ENPP7: variants seen among roughly 807,000 people sequenced by gnomAD.
ENPP7 encodes ectonucleotide pyrophosphatase/phosphodiesterase family member 7.
In ENPP7, 39 loss-of-function variants were observed where a neutral mutation model predicts 33.6. That is an observed-to-expected ratio of 1.16 (90% CI 0.90 to 1.52). The LOEUF is 1.52. Ranked by LOEUF, ENPP7 falls within the 40% of genes most tolerant of loss-of-function variation. The pLI, the probability that ENPP7 is intolerant of heterozygous loss-of-function variation, is 0.00. For missense variants in ENPP7, 594 were observed against 641.0 expected (o/e 0.93, Z 0.79); for synonymous variants, 244 against 274.3 (o/e 0.89, Z 1.09).
At chr17:79,732,657 CTG>C (rs138427087) in intron 1 of ENPP7, among the ~76,000 whole-genome samples, 1 of 152,118 alleles carries the variant, frequency 6.6e-6, no homozygotes, top group African/African-American at 2.4e-5. Context: ...GGCCTTTCCC[CTG>C]TGTGTGTGTG....
In ENPP7 at chr17:79,737,777, A is replaced by G; in HGVS notation, c.1247-139A>G. On this transcript the variant is annotated intron_variant, in intron 4 of 5. Transcript: ENST00000328313. The surrounding 1 kb of genome is among the most constrained non-coding windows in gnomAD (Gnocchi z 5.5). ...AGGGCTATGAAGGGCCGTGGTGGAC[A>G]AAGGCCATGGGACCAAGGGGGCGGT... is the stretch of plus-strand genomic sequence containing the variant. The G allele has an allele frequency of 1.1e-6, 1 of 945,078 alleles. No individual in the cohort carries two copies. The highest frequency in any genetic ancestry group is 1.5e-5 in the South Asian group (1 of 67,530). 58.5% of individuals were successfully genotyped at this position (945,078 alleles called of 1,614,324 possible). A position where few individuals can be genotyped will look rare whatever the true frequency, so the allele number is the denominator to read the frequency against.
chr17:79,736,805 A>G (rs1555823685), intron 3 of ENPP7, among the ~76,000 whole-genome samples: 1 of 152,058 alleles, frequency 6.6e-6, no homozygotes, highest in Non-Finnish European at 1.5e-5. Flanking sequence ...TGCCCGCTCC[A>G]CTCCCATTTA....
chr17:79,736,488 G>C (rs893075527), intron 3 of ENPP7, among the ~76,000 whole-genome samples: 2 of 152,180 alleles, frequency 1.3e-5, no homozygotes, highest in African/African-American at 4.8e-5. Flanking sequence ...GGCAGTGGGA[G>C]TGTGTGTGCA....
Position 79,737,172 on chromosome 17 carries a change from C to T in ENPP7, c.1158C>T (p.His386=), listed in dbSNP as rs782695695. The T allele has an allele frequency of 6.2e-6, 10 of 1,613,626 alleles. No homozygotes were observed. The East Asian group carries it at 1.1e-4, about 18-fold the overall frequency. ...AGGTGGAGCCCTTTGAGAGCGTCCA[C>T]GTGTACGAGCTCATGTGCCGGCTGC... The part of the protein sequence containing the change: ...GLEVEPFESV[H]VYELMCRLLG... The change falls in exon 4 of 6, where the codon CAC becomes CAT. Residue 386 remains histidine (H), a synonymous_variant. Transcript: ENST00000328313. The surrounding 1 kb of genome is among the most constrained non-coding windows in gnomAD (Gnocchi z 5.5).
At position 79,739,945 on chromosome 17, in the gene ENPP7, A is replaced by G. The variant is rs1281587893; in HGVS notation, c.*17-1849A>G. 6.6e-6 allele frequency among the ~76,000 whole-genome samples: 1 copy of G among 152,202 alleles called. No homozygotes were observed. Among genetic ancestry groups the G allele is most frequent in the African/African-American group, 2.4e-5 (1 of 41,448 alleles). ...GGTGGCTTCCGCCTGGAACCCCAGT[A>G]CTTCCAGAGGCCGACGCAGGAGGAT... On this transcript the variant is annotated intron_variant, in intron 5 of 5. Coordinates refer to ENST00000328313, the MANE Select transcript of ENPP7 (RefSeq NM_178543.5). This position sits in a 1 kb window ranked among gnomAD's most constrained non-coding sequence, Gnocchi z 4.4.
Position 79,733,367 on chromosome 17 carries a change from C to G in ENPP7, c.254-141C>G, listed in dbSNP as rs1363755208. 27 of 831,158 alleles carry G rather than the reference C, an allele frequency of 3.2e-5. No homozygotes were observed. In the East Asian group the frequency reaches 4.0e-4, roughly 12 times the overall value. The allele number at this position is 831,158 out of a possible 1,614,324, so 51.5% of individuals were successfully genotyped here. Reference sequence around the variant, plus strand: ...CAGTGCAGGAGGAAGTCTGCTCCCCCCAGCCCTGCCCCAGGCCCACTCCCC... The same window carrying G: ...CAGTGCAGGAGGAAGTCTGCTCCCCGCAGCCCTGCCCCAGGCCCACTCCCC... On this transcript the variant is annotated intron_variant, in intron 1 of 5. Coordinates refer to ENST00000328313, the MANE Select transcript of ENPP7 (RefSeq NM_178543.5).
At chr17:79,741,559 C>G (rs1905521533) in intron 5 of ENPP7, among the ~76,000 whole-genome samples, 4 of 152,052 alleles carry the variant, frequency 2.6e-5, no homozygotes, top group Admixed American at 2.6e-4. Flanking sequence ...ATGTCCACAC[C>G]TGCCCCGCAC....
rs2094299620 is a variant in ENPP7 at position 79,738,241 on chromosome 17, C to T, written c.*16+179C>T. The T allele has an allele frequency of 1.6e-6, 1 of 607,712 alleles. No homozygotes were observed. 37.6% of individuals were successfully genotyped at this position (607,712 alleles called of 1,614,324 possible). On this transcript the variant is annotated intron_variant, in intron 5 of 5. Transcript: ENST00000328313. This position sits in a 1 kb window ranked among gnomAD's most constrained non-coding sequence, Gnocchi z 6.2. ...ATCACCCCTGAGATCCCGAGGCTGA[C>T]CCTTCCAGCCTCTCTGCTCTGGGCT...
Position 79,741,913 on chromosome 17 carries a change from C to A in ENPP7, c.*136C>A. ...AGGCCAGAGGCTGCATGCCACTGTC[C>A]CCGGCAGCGCCAACCCCTGCTTGGC... is the stretch of plus-strand genomic sequence containing the variant. On this transcript the variant is annotated 3_prime_UTR_variant, in exon 6 of 6. Transcript: ENST00000328313. 1 of 985,570 alleles carries A rather than the reference C, an allele frequency of 1.0e-6. No individual in the cohort carries two copies. The highest frequency in any genetic ancestry group is 1.7e-5 in the African/African-American group (1 of 57,354). 61.1% of individuals were successfully genotyped at this position (985,570 alleles called of 1,614,324 possible). A position where few individuals can be genotyped will look rare whatever the true frequency, so the allele number is the denominator to read the frequency against.
In ENPP7 at chr17:79,742,215, A is replaced by C. The variant is rs1017664317; in HGVS notation, c.*438A>C. The C allele has an allele frequency of 2.6e-5, 4 of 152,382 alleles. No individual in the cohort carries two copies. The highest frequency in any genetic ancestry group is 9.6e-5 in the African/African-American group (4 of 41,484). 9.4% of individuals were successfully genotyped at this position (152,382 alleles called of 1,614,324 possible). On this transcript the variant is annotated 3_prime_UTR_variant, in exon 6 of 6. Transcript: ENST00000328313. Reference sequence around the variant, plus strand: ...ATGGGAATAAAGGCCAAGCCGCGACAGTCAGCACGGGGGAGACTTTTCCCT... The same window carrying C: ...ATGGGAATAAAGGCCAAGCCGCGACCGTCAGCACGGGGGAGACTTTTCCCT...
At position 79,735,728 on chromosome 17, in the gene ENPP7, C is replaced by CA. The variant is rs1296800080; in HGVS notation, c.1026+59_1026+60insA. ...GCTCCCTCCCCAGGCTCTGGGTCTT[C>CA]TTTTTTTTTTTTTGAGACCAGGGTC... is the stretch of plus-strand genomic sequence containing the variant. On this transcript the variant is annotated intron_variant, in intron 3 of 5. Coordinates refer to ENST00000328313, the MANE Select transcript of ENPP7 (RefSeq NM_178543.5). The surrounding 1 kb of genome is among the most constrained non-coding windows in gnomAD (Gnocchi z 5.5). 29 of 1,244,938 alleles carry CA rather than the reference C, an allele frequency of 2.3e-5. No individual in the cohort carries two copies. Among genetic ancestry groups the CA allele is most frequent in the Non-Finnish European group, 3.2e-5 (29 of 918,518 alleles). The allele number at this position is 1,244,938 out of a possible 1,614,324, so 77.1% of individuals were successfully genotyped here.
chr17:79,737,768 G>A lies in ENPP7; in HGVS notation c.1247-148G>A, dbSNP rs781793321. ...CTACTGAGCAGGGCTATGAAGGGCC[G>A]TGGTGGACAAAGGCCATGGGACCAA... On this transcript the variant is annotated intron_variant, in intron 4 of 5. Transcript: ENST00000328313. This position sits in a 1 kb window ranked among gnomAD's most constrained non-coding sequence, Gnocchi z 5.5. 129 of 876,412 alleles carry A rather than the reference G, an allele frequency of 1.5e-4. No homozygotes were observed. The highest frequency in any genetic ancestry group is 2.0e-4 in the Non-Finnish European group (109 of 553,626). 54.3% of individuals were successfully genotyped at this position (876,412 alleles called of 1,614,324 possible). A position where few individuals can be genotyped will look rare whatever the true frequency, so the allele number is the denominator to read the frequency against.
chr17:79,735,385 G>T lies in ENPP7; in HGVS notation c.742G>T (p.Gly248Cys), dbSNP rs782281853. 6.6e-5 allele frequency: 107 copies of T among 1,613,856 alleles called. 1 individual carries two copies. The South Asian group carries it at 1.1e-3, about 17-fold the overall frequency. Reference sequence around the variant, plus strand: ...CAACCTGATCATCACATCCGACCACGGCATGACGACCGTGGACAAACGGGC... The same window carrying T: ...CAACCTGATCATCACATCCGACCACTGCATGACGACCGTGGACAAACGGGC... ...RLNLIITSDH[G>C]MTTVDKRAGD... The change falls in exon 3 of 6, where the codon GGC becomes TGC. Residue 248 changes from glycine to cysteine, a missense_variant. This residue lies in a region of ENPP7 where 504 missense variants were observed against 512.8 expected (regional missense o/e 0.98). Coordinates refer to ENST00000328313, the MANE Select transcript of ENPP7 (RefSeq NM_178543.5). The surrounding 1 kb of genome is among the most constrained non-coding windows in gnomAD (Gnocchi z 5.5).
chr17:79,733,469 G>T lies in ENPP7; in HGVS notation c.254-39G>T, dbSNP rs200367516. On this transcript the variant is annotated intron_variant, in intron 1 of 5. Coordinates refer to ENST00000328313, the MANE Select transcript of ENPP7 (RefSeq NM_178543.5). ...TGGGTCCGGCCTTCGCTGTGACCCC[G>T]GTCCATCCCGCCGCCCTCTGCACCT... 50 of 1,600,924 alleles carry T rather than the reference G, an allele frequency of 3.1e-5. 2 individuals are homozygous for T. In the South Asian group the frequency reaches 5.5e-4, roughly 18 times the overall value.
Position 79,731,376 on chromosome 17 carries a change from C to T in ENPP7, c.237C>T (p.His79=), listed in dbSNP as rs1369419059. 6.2e-7 allele frequency: 1 copy of T among 1,611,854 alleles called. No homozygotes were observed. The highest frequency in any genetic ancestry group is 8.5e-7 in the Non-Finnish European group (1 of 1,178,858). Residue 79 remains histidine (H), a synonymous_variant, in exon 1 of 6, where the codon CAC becomes CAT. Coordinates refer to ENST00000328313, the MANE Select transcript of ENPP7 (RefSeq NM_178543.5). ...PAFVTMTSPC[H]FTLVTGKYIE... is the part of the protein sequence containing the mutation. ...TTGTCACCATGACCAGCCCCTGCCA[C>T]TTCACCCTGGTCACCGGTGAGTACT...
Position 79,731,207 on chromosome 17 carries a change from C to A in ENPP7, c.68C>A (p.Pro23Gln). The change falls in exon 1 of 6, where the codon CCG (proline) becomes CAG (glutamine). Residue 23 changes from proline to glutamine, a missense_variant. By Grantham distance (76) the Pro-to-Gln change is moderately conservative. Coordinates refer to ENST00000328313, the MANE Select transcript of ENPP7 (RefSeq NM_178543.5). ...CTCCTGGCTCCCGGGGCCGGAGCACCGGTACAAAGTCAGGGCTCCCAGAAC... is the reference window on the plus strand; with the variant it reads ...CTCCTGGCTCCCGGGGCCGGAGCACAGGTACAAAGTCAGGGCTCCCAGAAC... ...ATLLAPGAGAPVQSQGSQNKL... is the reference protein window; with the variant it reads ...ATLLAPGAGAQVQSQGSQNKL... The A allele has an allele frequency of 6.2e-7, 1 of 1,612,224 alleles. No homozygotes were observed. The highest frequency in any genetic ancestry group is 8.5e-7 in the Non-Finnish European group (1 of 1,179,912).
chr17:79,732,136 A>ATATATATATATACACATATATATATG (rs1555822678), intron 1 of ENPP7, among the ~76,000 whole-genome samples: 3 of 47,024 alleles, frequency 6.4e-5, no homozygotes, highest in African/African-American at 3.8e-4. Flanking sequence ...ATATATGTAT[A>ATATATATATATACACATATATATATG]TATATATATA....
intron 2 of ENPP7, 71 bp downstream of exon 2, chr17:79,733,724 C>T: frequency 1.4e-6 from 2 of 1,463,684 alleles, no homozygotes; most frequent in Non-Finnish European, 1.8e-6. Context: ...GGCTTGGAAC[C>T]ATGTGAGATC....
intron 2 of ENPP7, among the ~76,000 whole-genome samples, chr17:79,734,538 C>T (rs564491816): frequency 1.2e-3 from 181 of 147,810 alleles, no homozygotes; most frequent in African/African-American, 4.2e-3. Context: ...AGTGCAGTGG[C>T]GCCATCTCCG....
Sources: allele counts gnomAD v4.1 joint callset (sites outside exome capture counted in the v4.1 genomes callset), GRCh38; gene constraint gnomAD v4.1.1; regional missense constraint gnomAD v4.1.1; non-coding constraint Gnocchi (gnomAD v3.1); transcripts MANE v1.5; gene names NCBI Gene and HGNC (gene_info 2026-07-23, HGNC 2026-07-21).